Variants in DPPA3 observed in about 807,000 individuals in gnomAD.
DPPA3 encodes the protein developmental pluripotency associated 3.
DPPA3 carries 9 observed loss-of-function variants against 15.6 expected under a neutral mutation model. That is an observed-to-expected ratio of 0.58 (90% CI 0.35 to 1.01). The LOEUF (loss-of-function observed/expected upper bound fraction) is 1.01, where lower values mean the gene tolerates loss of function less well. Among genes scored for constraint, DPPA3 ranks in the 50% least tolerant of loss-of-function variants. DPPA3 has a pLI of 0.02. For missense variants in DPPA3, 148 were observed against 194.6 expected (o/e 0.76, Z 1.42); for synonymous variants, 61 against 70.9 (o/e 0.86, Z 0.70).
At position 7,716,660 on chromosome 12, in the gene DPPA3, C is replaced by G. The variant is rs1864404109; in HGVS notation, c.370-307C>G. ...TAGCACTGTATAGTAAGAGGACAAA[C>G]ACTTCAGCAGAGTGTCTAGTAGCAG... is the stretch of plus-strand genomic sequence containing the variant. On this transcript the variant is annotated intron_variant, in intron 3 of 3. Coordinates refer to ENST00000345088, the MANE Select transcript of DPPA3 (RefSeq NM_199286.4). Among the ~76,000 whole-genome samples the G allele has an allele frequency of 2.0e-5, 3 of 152,170 alleles. No homozygotes were observed. The South Asian group carries it at 6.2e-4, about 31-fold the overall frequency.
Position 7,711,720 on chromosome 12 carries a change from CTTTTTTTTTT to C in DPPA3, c.82+88_82+97del, listed in dbSNP as rs3069565. ...GGTTGGGAGGTCAAAAGGCTGCCGT[CTTTTTTTTTT>C]TTTTTTTTTTTTTTTTTTTAATGTT... On this transcript the variant is annotated intron_variant, in intron 1 of 3. Coordinates refer to ENST00000345088, the MANE Select transcript of DPPA3 (RefSeq NM_199286.4). The C allele has an allele frequency of 1.7e-3, 590 of 340,334 alleles. 8 individuals are homozygous for C. The highest frequency in any genetic ancestry group is 6.5e-3 in the African/African-American group (149 of 22,828). The allele number at this position is 340,334 out of a possible 1,614,324, so 21.1% of individuals were successfully genotyped here.
At chr12:7,716,893 A>G (rs975943437) in intron 3 of DPPA3, 74 bp from the exon 4 acceptor site, 1 of 1,355,386 alleles carries the variant, frequency 7.4e-7, no homozygotes, top group African/African-American at 1.4e-5. Context: ...AATAAACAAC[A>G]TTATAGTTGA....
chr12:7,716,246 A>T lies in DPPA3; in HGVS notation c.369+7A>T, dbSNP rs752277429. The T allele has an allele frequency of 1.7e-5, 26 of 1,565,250 alleles. No individual in the cohort carries two copies. Among genetic ancestry groups the T allele is most frequent in the Non-Finnish European group, 2.2e-5 (26 of 1,160,800 alleles). On this transcript the variant is annotated splice_region_variant and intron_variant, in intron 3 of 3. Coordinates refer to ENST00000345088, the MANE Select transcript of DPPA3 (RefSeq NM_199286.4). ...GGAGCCTAAGGGAGTTAAGGTAAGT[A>T]TAATTTTTTTCTTTTTATTTTCCTT...
chr12:7,716,792 C>T (rs1229579512), intron 3 of DPPA3, among the ~76,000 whole-genome samples, 175 bp from the exon 4 acceptor site: 3 of 152,142 alleles, frequency 2.0e-5, no homozygotes, highest in Non-Finnish European at 2.9e-5. Context: ...TTCTGTGGTA[C>T]CCATATTTTG....
At chr12:7,712,022 T>C (rs767092085) in intron 1 of DPPA3, among the ~76,000 whole-genome samples, 1 of 146,856 alleles carries the variant, frequency 6.8e-6, no homozygotes, top group Non-Finnish European at 1.5e-5. Context: ...TTCACGCCAT[T>C]CTCCTGCCTC....
rs1210277654 is a variant in DPPA3 at position 7,711,561 on chromosome 12, C to A, written c.-10C>A. 1.2e-6 allele frequency: 2 copies of A among 1,612,262 alleles called. No individual in the cohort carries two copies. The highest frequency in any genetic ancestry group is 2.7e-5 in the African/African-American group (2 of 74,694). On this transcript the variant is annotated 5_prime_UTR_variant, in exon 1 of 4. Transcript: ENST00000345088. ...ATCCTGGAGAAGCCTAGTGTTGTGT[C>A]AAGACGCCGATGGACCCATCACAGT...
intron 3 of DPPA3, among the ~76,000 whole-genome samples, 177 bp downstream of exon 3, chr12:7,716,416 C>A (rs1864399908): frequency 4.0e-5 from 6 of 151,898 alleles, no homozygotes; most frequent in Admixed American, 3.9e-4. Flanking sequence ...AAAATATATT[C>A]TTTATTCTTT....
At chr12:7,714,173 T>C (rs1864373824) in intron 1 of DPPA3, among the ~76,000 whole-genome samples, 1 of 151,960 alleles carries the variant, frequency 6.6e-6, no homozygotes, top group Admixed American at 6.6e-5. Context: ...GAGCTTGCAG[T>C]GAGCCGAGAT....
rs375466437 is a variant in DPPA3 at position 7,715,317 on chromosome 12, G to C, written c.217G>C (p.Glu73Gln). The change falls in exon 2 of 4, where the codon GAA (glutamate) becomes CAA (glutamine). Residue 73 changes from glutamate (E) to glutamine (Q), a missense_variant. Physicochemically the swap from Glu to Gln is conservative, Grantham distance 29. Transcript: ENST00000345088. ...RESVGAAVLR[E>Q]IEDEWLYSRR... is the part of the protein sequence containing the mutation. ...GTCTGTAGGAGCAGCAGTCCTCAGG[G>C]AAATCGAAGATGAGTGGCTTTACAG... 6.2e-7 allele frequency: 1 copy of C among 1,614,006 alleles called. No homozygotes were observed. Among genetic ancestry groups the C allele is most frequent in the African/African-American group, 1.3e-5 (1 of 74,920 alleles).
Position 7,716,196 on chromosome 12 carries a change from A to T in DPPA3, c.328-2A>T, listed in dbSNP as rs762737956. The T allele has an allele frequency of 1.9e-6, 3 of 1,604,926 alleles. No individual in the cohort carries two copies. The highest frequency in any genetic ancestry group is 2.2e-5 in the South Asian group (2 of 90,026). On this transcript the variant is annotated splice_acceptor_variant, in intron 2 of 3. Transcript: ENST00000345088. LOFTEE classifies it high-confidence loss of function. ...CAATAAACATATTTTTTTCCCATGAAGCATGAAAGAAGACCAACAAACAAG... is the reference window on the plus strand; with the variant it reads ...CAATAAACATATTTTTTTCCCATGATGCATGAAAGAAGACCAACAAACAAG...
chr12:7,717,083 A>G lies in DPPA3; in HGVS notation c.*6A>G. 6.3e-7 allele frequency: 1 copy of G among 1,590,310 alleles called. No individual in the cohort carries two copies. Among genetic ancestry groups the G allele is most frequent in the Non-Finnish European group, 8.6e-7 (1 of 1,163,060 alleles). ...CCAAGCCACTTCAGCCATAAATCTT[A>G]TTCTTGCACCTTTTTTTCTTGGTAG... On this transcript the variant is annotated 3_prime_UTR_variant, in exon 4 of 4. Coordinates refer to ENST00000345088, the MANE Select transcript of DPPA3 (RefSeq NM_199286.4).
intron 1 of DPPA3, among the ~76,000 whole-genome samples, chr12:7,712,328 C>T (rs373884386): frequency 6.6e-6 from 1 of 150,930 alleles, no homozygotes; most frequent in South Asian, 2.1e-4. Flanking sequence ...ATGTCAGGAA[C>T]GGTAAAAAGG....
At chr12:7,711,737 TTTTTTTTTTTTTA>T (rs1832024060) in intron 1 of DPPA3, 85 bp downstream of exon 1, 2 of 920,596 alleles carry the variant, frequency 2.2e-6, no homozygotes, top group South Asian at 3.6e-5. Flanking sequence ...TTTTTTTTTT[TTTTTTTTTTTTTA>T]ATGTTGACTT....
intron 1 of DPPA3, among the ~76,000 whole-genome samples, chr12:7,714,112 C>T (rs2136892239): frequency 1.3e-5 from 2 of 151,724 alleles, no homozygotes; most frequent in Non-Finnish European, 2.9e-5. Flanking sequence ...CGCCTGTAGT[C>T]CCAGCTGCTC....
At chr12:7,714,326 G>A (rs1038852232) in intron 1 of DPPA3, among the ~76,000 whole-genome samples, 1 of 152,142 alleles carries the variant, frequency 6.6e-6, no homozygotes. Flanking sequence ...AAATCTGTAA[G>A]TGATCAAGTG....
intron 1 of DPPA3, among the ~76,000 whole-genome samples, chr12:7,713,927 C>G (rs1157610240): frequency 6.6e-6 from 1 of 152,170 alleles, no homozygotes; most frequent in Non-Finnish European, 1.5e-5. Flanking sequence ...GTGGGAGGAT[C>G]CCTTGAGCCT....
intron 2 of DPPA3, among the ~76,000 whole-genome samples, chr12:7,715,848 G>C (rs761272166): frequency 1.3e-5 from 2 of 152,166 alleles, no homozygotes; most frequent in Admixed American, 1.3e-4. Context: ...TTGGAAGGCT[G>C]AGGTGGGAGG....
chr12:7,714,448 A>AC (rs774052787), intron 1 of DPPA3, among the ~76,000 whole-genome samples: 1 of 151,918 alleles, frequency 6.6e-6, no homozygotes, highest in Non-Finnish European at 1.5e-5. Context: ...CAAAGTTTAA[A>AC]CCCGTGTTGT....
chr12:7,714,004 C>A (rs980143884), intron 1 of DPPA3, among the ~76,000 whole-genome samples: 3 of 152,068 alleles, frequency 2.0e-5, no homozygotes, highest in Admixed American at 1.3e-4. Flanking sequence ...CAGAGCAAGA[C>A]CCTGTCTCAA....
Sources: gnomAD v4.1 joint callset for allele counts (sites outside exome capture counted in the v4.1 genomes callset) on GRCh38, gnomAD v4.1.1 for gene constraint, MANE v1.5 for transcripts, NCBI Gene and HGNC (gene_info 2026-07-23, HGNC 2026-07-21) for gene names.